IMPG1: variants seen among roughly 807,000 people sequenced by gnomAD.
IMPG1 encodes interphotoreceptor matrix proteoglycan of 150 kDa.
In IMPG1, 85 loss-of-function variants were observed where a neutral mutation model predicts 92.0. The observed-to-expected ratio is 0.92, with a 90% CI of 0.78 to 1.11. The LOEUF is 1.11. Among genes scored for constraint, IMPG1 ranks in the 50% least tolerant of loss-of-function variants. IMPG1 has a pLI of 0.00. For missense variants in IMPG1, 1,022 were observed against 956.0 expected (o/e 1.07, Z -0.91); for synonymous variants, 367 against 334.1 (o/e 1.10, Z -1.08).
At chr6:75,976,747 T>TA (rs983214091) in intron 12 of IMPG1, among the ~76,000 whole-genome samples, 3 of 151,302 alleles carry the variant, frequency 2.0e-5, no homozygotes, top group African/African-American at 7.3e-5. Flanking sequence ...TCGTCTCTAC[T>TA]AAAAAATACA....
chr6:76,054,953 A>G (rs1460919084), intron 1 of IMPG1, among the ~76,000 whole-genome samples: 1 of 152,152 alleles, frequency 6.6e-6, no homozygotes, highest in Non-Finnish European at 1.5e-5. Context: ...TAGACAATAC[A>G]GAAAATAAAA....
chr6:76,018,667 CA>C (rs749476766), intron 7 of IMPG1, 50 bp downstream of exon 7: 1 of 1,558,886 alleles, frequency 6.4e-7, no homozygotes, highest in East Asian at 2.3e-5. Context: ...TATCGGCTCC[CA>C]CCTCTCAGTC....
chr6:75,921,755 A>G lies in IMPG1; in HGVS notation c.*334T>C. ...TCAGTCCCTAAACAATAAGTAAGCT[A>G]TGCTTGTTGCAAATGATCTGTGAGT... is the stretch of plus-strand genomic sequence containing the variant. On this transcript the variant is annotated 3_prime_UTR_variant, in exon 17 of 17. Coordinates refer to ENST00000369950, the MANE Select transcript of IMPG1 (RefSeq NM_001563.4). The G allele has an allele frequency of 1.3e-5, 3 of 238,958 alleles. No homozygotes were observed. The highest frequency in any genetic ancestry group is 2.4e-5 in the Non-Finnish European group (3 of 123,170). The allele number at this position is 238,958 out of a possible 1,614,324, so 14.8% of individuals were successfully genotyped here.
At chr6:75,969,587 C>T (rs1285594343) in intron 12 of IMPG1, among the ~76,000 whole-genome samples, 2 of 151,866 alleles carry the variant, frequency 1.3e-5, no homozygotes, top group Admixed American at 1.3e-4. Context: ...ACTAAAAATA[C>T]AAAATTAGCT....
chr6:76,021,798 T>TATATATATATATAC (rs1169030839), intron 6 of IMPG1, among the ~76,000 whole-genome samples: 6 of 140,724 alleles, frequency 4.3e-5, no homozygotes, highest in African/African-American at 1.6e-4. Flanking sequence ...TATATATATA[T>TATATATATATATAC]ATATGGTTTT....
At chr6:76,021,125 A>G (rs767037140) in intron 6 of IMPG1, among the ~76,000 whole-genome samples, 8 of 152,108 alleles carry the variant, frequency 5.3e-5, no homozygotes, top group Non-Finnish European at 1.0e-4. Flanking sequence ...GAAACTTCAA[A>G]AGAACCTTGG....
chr6:75,929,233 T>A (rs9359149), intron 15 of IMPG1, among the ~76,000 whole-genome samples: 33,888 of 152,010 alleles, frequency 0.22, 4,049 homozygotes, highest in East Asian at 0.42. Flanking sequence ...GCTTGATGGA[T>A]CTAGCTTTCC....
intron 12 of IMPG1, among the ~76,000 whole-genome samples, chr6:75,984,595 C>A (rs2149470854): frequency 6.6e-6 from 1 of 152,264 alleles, no homozygotes; most frequent in Admixed American, 6.5e-5. Flanking sequence ...TGTTAATTAG[C>A]TTGATTTTGG....
In IMPG1 at chr6:76,034,026, A is replaced by G. The variant is rs556464504; in HGVS notation, c.497+289T>C. Among the ~76,000 whole-genome samples the G allele has an allele frequency of 4.6e-5, 7 of 152,312 alleles. No individual in the cohort carries two copies. In the South Asian group the frequency reaches 1.0e-3, roughly 23 times the overall value. On this transcript the variant is annotated intron_variant, in intron 4 of 16. Transcript: ENST00000369950. ...AAAATCAAACTAGTTTAATTTCTCT[A>G]TTTCTTATAAGTGAAGGTGCACATT...
At chr6:76,042,644 G>C (rs1004359173) in intron 1 of IMPG1, among the ~76,000 whole-genome samples, 1 of 152,128 alleles carries the variant, frequency 6.6e-6, no homozygotes, top group African/African-American at 2.4e-5. Context: ...ATCTGGCTGA[G>C]AGTGGATTGG....
intron 12 of IMPG1, among the ~76,000 whole-genome samples, chr6:75,975,717 C>A (rs971271678): frequency 2.6e-5 from 4 of 152,110 alleles, no homozygotes; most frequent in African/African-American, 9.7e-5. Flanking sequence ...TTCCTGATTG[C>A]TTATATCAGA....
At chr6:75,938,215 T>C (rs1254285991) in intron 14 of IMPG1, among the ~76,000 whole-genome samples, 1 of 152,248 alleles carries the variant, frequency 6.6e-6, no homozygotes, top group Non-Finnish European at 1.5e-5. Context: ...TTTGGCCTAA[T>C]GGATTGCTAA....
Position 76,071,895 on chromosome 6 carries a change from G to A in IMPG1, c.67+527C>T, listed in dbSNP as rs945982735. On this transcript the variant is annotated intron_variant, in intron 1 of 16. Coordinates refer to ENST00000369950, the MANE Select transcript of IMPG1 (RefSeq NM_001563.4). ...CATACATTGCCTAGTTCTTTTATGC[G>A]TACAACTTCAAAAACAACCAAATTT... 8.6e-5 allele frequency among the ~76,000 whole-genome samples: 13 copies of A among 151,944 alleles called. No homozygotes were observed. The South Asian group carries it at 1.0e-3, about 12-fold the overall frequency.
intron 12 of IMPG1, among the ~76,000 whole-genome samples, chr6:75,995,389 G>A (rs1433780260): frequency 6.6e-6 from 1 of 152,106 alleles, no homozygotes; most frequent in African/African-American, 2.4e-5. Flanking sequence ...TGCTTCTAGA[G>A]CTTCACCATT....
At chr6:76,057,712 G>C (rs1001158303) in intron 1 of IMPG1, among the ~76,000 whole-genome samples, 4 of 152,014 alleles carry the variant, frequency 2.6e-5, no homozygotes, top group Admixed American at 2.0e-4. Context: ...CCCATAGGTG[G>C]GGGGGTGGCT....
At chr6:76,007,341 T>C in intron 9 of IMPG1, 139 bp downstream of exon 9, 1 of 612,462 alleles carries the variant, frequency 1.6e-6, no homozygotes, top group Non-Finnish European at 2.8e-6. Flanking sequence ...GTTCAATTAC[T>C]TCCATTTAAA....
At chr6:75,999,506 G>T (rs111430624) in intron 12 of IMPG1, among the ~76,000 whole-genome samples, 1,582 of 152,270 alleles carry the variant, frequency 0.01, 28 homozygotes, top group African/African-American at 0.036. Context: ...GAAAAGGCCA[G>T]AACTGTTTTA....
At chr6:76,022,390 C>T (rs1053264637) in intron 5 of IMPG1, among the ~76,000 whole-genome samples, 171 bp from the exon 6 acceptor site, 2 of 152,090 alleles carry the variant, frequency 1.3e-5, no homozygotes, top group Admixed American at 6.5e-5. Context: ...AAAAATATGA[C>T]TCATACTCTG....
At chr6:75,991,947 CT>C (rs769412424) in intron 12 of IMPG1, among the ~76,000 whole-genome samples, 11 of 152,268 alleles carry the variant, frequency 7.2e-5, no homozygotes, top group Middle Eastern at 3.4e-3. Flanking sequence ...GATGTGTCAA[CT>C]TGGCTAGGGC....
Sources: allele counts gnomAD v4.1 joint callset (sites outside exome capture counted in the v4.1 genomes callset), GRCh38; gene constraint gnomAD v4.1.1; transcripts MANE v1.5; gene names NCBI Gene and HGNC (gene_info 2026-07-23, HGNC 2026-07-21).